VAV3: variants seen among roughly 807,000 people sequenced by gnomAD.
The protein encoded by VAV3 is vav guanine nucleotide exchange factor 3, also known as guanine nucleotide exchange factor VAV3.
A neutral mutation model predicts 131.2 loss-of-function variants in VAV3; 94 were observed. The observed-to-expected ratio is 0.72, with a 90% confidence interval of 0.61 to 0.85. The LOEUF is 0.85. VAV3 is among the 40% of genes least tolerant of loss of function. The pLI, the probability that VAV3 is intolerant of heterozygous loss-of-function variation, is 0.00. For missense variants in VAV3, 939 were observed against 1,002.7 expected (o/e 0.94, Z 0.86); for synonymous variants, 349 against 342.0 (o/e 1.02, Z -0.22).
At chr1:107,798,956 C>T (rs1331497765) in intron 2 of VAV3, among the ~76,000 whole-genome samples, 1 of 151,728 alleles carries the variant, frequency 6.6e-6, no homozygotes, top group South Asian at 2.1e-4. Context: ...AAATTTTTTT[C>T]TTTATTCCTC....
chr1:107,640,803 G>A (rs2101490745), intron 20 of VAV3, among the ~76,000 whole-genome samples: 1 of 152,274 alleles, frequency 6.6e-6, no homozygotes, highest in African/African-American at 2.4e-5. Flanking sequence ...TGGAGAGGAA[G>A]AGGGTGAAAG....
At chr1:107,673,810 G>GA (rs1657992850) in intron 19 of VAV3, among the ~76,000 whole-genome samples, 1 of 152,096 alleles carries the variant, frequency 6.6e-6, no homozygotes, top group Non-Finnish European at 1.5e-5. Flanking sequence ...AACATATGAG[G>GA]AAAAAAGTGT....
At chr1:107,940,845 T>C (rs373209423) in intron 1 of VAV3, among the ~76,000 whole-genome samples, 2 of 152,138 alleles carry the variant, frequency 1.3e-5, no homozygotes, top group South Asian at 2.1e-4. Flanking sequence ...GTTTAATGTA[T>C]AGAGTTTCAG....
chr1:107,948,586 G>A (rs753775229), intron 1 of VAV3, among the ~76,000 whole-genome samples: 3 of 152,216 alleles, frequency 2.0e-5, no homozygotes, highest in African/African-American at 4.8e-5. Flanking sequence ...GCTCATGCCT[G>A]TAATCTCAAC....
At chr1:107,730,765 T>C (rs1386928716) in intron 15 of VAV3, among the ~76,000 whole-genome samples, 1 of 152,156 alleles carries the variant, frequency 6.6e-6, no homozygotes, top group African/African-American at 2.4e-5. Context: ...TTTCATCTAG[T>C]GAATGAATAT....
At chr1:107,703,691 T>C (rs1298374322) in intron 17 of VAV3, among the ~76,000 whole-genome samples, 4 of 152,230 alleles carry the variant, frequency 2.6e-5, no homozygotes, top group African/African-American at 4.8e-5. Flanking sequence ...TCCAAAATAA[T>C]TCAATGTCCA....
chr1:107,868,615 G>T (rs1670111828), intron 2 of VAV3, among the ~76,000 whole-genome samples: 2 of 152,154 alleles, frequency 1.3e-5, no homozygotes, highest in Non-Finnish European at 2.9e-5. Context: ...CTATGAAGCT[G>T]GGACTGTACT....
intron 25 of VAV3, among the ~76,000 whole-genome samples, chr1:107,580,259 T>C (rs1375997193): frequency 6.6e-6 from 1 of 152,144 alleles, no homozygotes; most frequent in Non-Finnish European, 1.5e-5. Context: ...GTCTCCTCCT[T>C]CCATTCCTTT....
intron 15 of VAV3, among the ~76,000 whole-genome samples, chr1:107,731,776 T>C (rs982108774): frequency 4.6e-5 from 7 of 152,298 alleles, no homozygotes; most frequent in South Asian, 4.1e-4. Flanking sequence ...AAGCAGTGAA[T>C]TGTTAAAATG....
At chr1:107,866,809 C>T (rs1350713644) in intron 2 of VAV3, among the ~76,000 whole-genome samples, 4 of 102,732 alleles carry the variant, frequency 3.9e-5, no homozygotes, top group South Asian at 3.2e-4. Context: ...GGCAAAAGAG[C>T]GAGACTCCAT....
intron 1 of VAV3, among the ~76,000 whole-genome samples, chr1:107,941,215 C>A (rs1460901480): frequency 6.6e-6 from 1 of 152,196 alleles, no homozygotes; most frequent in African/African-American, 2.4e-5. Flanking sequence ...CCAGCCCGCA[C>A]ATTCTAAATT....
chr1:107,813,118 C>A (rs1422769280), intron 2 of VAV3, among the ~76,000 whole-genome samples: 144 of 133,070 alleles, frequency 1.1e-3, no homozygotes, highest in African/African-American at 1.3e-3. Flanking sequence ...GACTCCGTCT[C>A]AAAAAAAAAA....
chr1:107,735,357 T>C (rs1306773490), intron 15 of VAV3, among the ~76,000 whole-genome samples: 2 of 152,012 alleles, frequency 1.3e-5, no homozygotes, highest in East Asian at 1.9e-4. Context: ...TAACTAAGGT[T>C]AGAGCAGAAC....
At position 107,638,966 on chromosome 1, in the gene VAV3, T is replaced by C. The variant is rs559262516; in HGVS notation, c.1914+3653A>G. ...CACGGCATATATACACATAAAGATATATATATACACACACATATATAGTAC... is the reference window on the plus strand; with the variant it reads ...CACGGCATATATACACATAAAGATACATATATACACACACATATATAGTAC... On this transcript the variant is annotated intron_variant, in intron 20 of 26. Coordinates refer to ENST00000370056, the MANE Select transcript of VAV3 (RefSeq NM_006113.5). 1.5e-3 allele frequency among the ~76,000 whole-genome samples: 230 copies of C among 151,892 alleles called. 1 individual carries two copies. Among genetic ancestry groups the C allele is most frequent in the African/African-American group, 5.4e-3 (222 of 41,436 alleles).
At chr1:107,683,613 T>C (rs1205810846) in intron 18 of VAV3, 80 bp from the exon 19 acceptor site, 1 of 1,385,948 alleles carries the variant, frequency 7.2e-7, no homozygotes, top group African/African-American at 1.4e-5. Context: ...TACTGGCACT[T>C]TGGAAAGCAA....
chr1:107,909,423 T>A (rs1346984991), intron 1 of VAV3, among the ~76,000 whole-genome samples: 1 of 151,864 alleles, frequency 6.6e-6, no homozygotes, highest in Non-Finnish European at 1.5e-5. Flanking sequence ...TCAATAAAAG[T>A]TAAATGAAAG....
In VAV3 at chr1:107,817,154, C is replaced by T. The variant is rs566856950; in HGVS notation, c.322-37662G>A. ...TTACTGGGGAAAGACACATATCTGA[C>T]GCATTATGATAGTAGGCAGACAAAA... On this transcript the variant is annotated intron_variant, in intron 2 of 26. Transcript: ENST00000370056. 1.1e-4 allele frequency among the ~76,000 whole-genome samples: 17 copies of T among 152,244 alleles called. 1 individual carries two copies. The highest frequency in any genetic ancestry group is 6.2e-4 in the South Asian group (3 of 4,820).
chr1:107,728,611 A>ACG (rs1662010259), intron 15 of VAV3, among the ~76,000 whole-genome samples: 2 of 101,840 alleles, frequency 2.0e-5, no homozygotes, highest in African/African-American at 6.4e-5. Context: ...GTATATGTAT[A>ACG]TGTATATGTA....
At chr1:107,689,513 T>C (rs1051906515) in intron 17 of VAV3, among the ~76,000 whole-genome samples, 1 of 151,608 alleles carries the variant, frequency 6.6e-6, no homozygotes, top group African/African-American at 2.4e-5. Context: ...TCTCTAGCTT[T>C]TTTTTTTCTT....
Sources: allele counts gnomAD v4.1 joint callset (sites outside exome capture counted in the v4.1 genomes callset), GRCh38; gene constraint gnomAD v4.1.1; transcripts MANE v1.5; gene names NCBI Gene and HGNC (gene_info 2026-07-23, HGNC 2026-07-21).